The following SGSM2 variants were observed in gnomAD, a reference collection of about 807,000 sequenced individuals.
The protein encoded by SGSM2 is small G protein signaling modulator 2.
In SGSM2, 89 loss-of-function variants were observed where a neutral mutation model predicts 126.6. The observed-to-expected ratio is 0.70, with a 90% CI of 0.59 to 0.84. SGSM2 has a LOEUF of 0.84. SGSM2 is among the 40% of genes least tolerant of loss of function. The pLI, the probability that SGSM2 is intolerant of heterozygous loss-of-function variation, is 0.00. For missense variants in SGSM2, 1,404 were observed against 1,416.6 expected (o/e 0.99, Z 0.14); for synonymous variants, 614 against 574.3 (o/e 1.07, Z -0.99).
Position 2,362,081 on chromosome 17 carries a change from A to G in SGSM2, c.297-28A>G, listed in dbSNP as rs764221306. On this transcript the variant is annotated intron_variant, in intron 3 of 23. Transcript: ENST00000268989. The surrounding 1 kb of genome is among the most constrained non-coding windows in gnomAD (Gnocchi z 4.9). ...CTGGGGTTTACCCCTAGACCACTGC[A>G]CTCCTGGAGCCCTCCCCGCCTTTGC... 6.3e-7 allele frequency: 1 copy of G among 1,597,922 alleles called. No individual in the cohort carries two copies. Among genetic ancestry groups the G allele is most frequent in the Non-Finnish European group, 8.5e-7 (1 of 1,173,964 alleles).
In SGSM2 at chr17:2,363,121, G is replaced by A. The variant is rs761587758; in HGVS notation, c.659G>A (p.Arg220His). Residue 220 changes from arginine to histidine, a missense_variant, in exon 6 of 24, where the codon CGC (arginine) becomes CAC (histidine). Arg to His is a conservative substitution (Grantham distance 29). Coordinates refer to ENST00000268989, the MANE Select transcript of SGSM2 (RefSeq NM_014853.3). The surrounding 1 kb of genome is among the most constrained non-coding windows in gnomAD (Gnocchi z 4.2). ...PPTRQDSPAKRPALGIRKRHS... is the reference protein window; with the variant it reads ...PPTRQDSPAKHPALGIRKRHS... ...ACTCGCCAGGACTCCCCTGCAAAGC[G>A]CCCAGCCCTGGGGGTAGGTGCCCCC... 6.9e-6 allele frequency: 11 copies of A among 1,604,502 alleles called. No individual in the cohort carries two copies. The highest frequency in any genetic ancestry group is 1.7e-5 in the Admixed American group (1 of 58,620).
chr17:2,380,008 C>T lies in SGSM2; in HGVS notation c.*488C>T. 1 of 1,391,534 alleles carries T rather than the reference C, an allele frequency of 7.2e-7. No homozygotes were observed. Among genetic ancestry groups the T allele is most frequent in the Non-Finnish European group, 9.3e-7 (1 of 1,075,726 alleles). 86.2% of individuals were successfully genotyped at this position (1,391,534 alleles called of 1,614,324 possible). A position where few individuals can be genotyped will look rare whatever the true frequency, so the allele number is the denominator to read the frequency against. Reference sequence around the variant, plus strand: ...CCAGCCCCAGCTGGAGCAACCAAAACTGCTTCTGGTTTAGGCACACGTCAC... The same window carrying T: ...CCAGCCCCAGCTGGAGCAACCAAAATTGCTTCTGGTTTAGGCACACGTCAC... On this transcript the variant is annotated 3_prime_UTR_variant, in exon 24 of 24. Transcript: ENST00000268989.
rs1372432183 is a variant in SGSM2, at chr17:2,377,030, A to C, written c.2764A>C (p.Met922Leu). ...MSQNFPNGGA[M>L]DTHFANMRSL... is the part of the protein sequence containing the mutation. ...CCAGAACTTCCCCAACGGGGGTGCC[A>C]TGGACACCCACTTTGCCAACATGCG... Residue 922 changes from methionine (M) to leucine (L), a missense_variant, in exon 21 of 24, where the codon ATG becomes CTG. Transcript: ENST00000268989. 6.2e-7 allele frequency: 1 copy of C among 1,613,604 alleles called. No individual in the cohort carries two copies. The highest frequency in any genetic ancestry group is 2.2e-5 in the East Asian group (1 of 44,886).
intron 1 of SGSM2, among the ~76,000 whole-genome samples, chr17:2,342,877 T>G (rs2151476142): frequency 6.6e-6 from 1 of 152,128 alleles, no homozygotes; most frequent in African/African-American, 2.4e-5. Context: ...CTCGGGAGGC[T>G]GAGGCAGGAG....
intron 2 of SGSM2, among the ~76,000 whole-genome samples, chr17:2,344,953 C>T (rs532754900): frequency 6.6e-6 from 1 of 152,256 alleles, no homozygotes; most frequent in East Asian, 1.9e-4. Context: ...AAAGAATATT[C>T]GTCTCTCCTC....
chr17:2,343,553 A>G lies in SGSM2; in HGVS notation c.66A>G (p.Gln22=), dbSNP rs138672949. ...LLWNVKKEVK[Q]IMEEAVTRKF... ...TGTCCATGTGTCCGCAGGTGAAGCA[A>G]ATCATGGAGGAGGCTGTCACCAGGA... Residue 22 remains glutamine (Q), a synonymous_variant, in exon 2 of 24, where the codon CAA becomes CAG. Transcript: ENST00000268989. The G allele has an allele frequency of 9.2e-4, 1,480 of 1,614,186 alleles. No homozygotes were observed. Among genetic ancestry groups the G allele is most frequent in the Admixed American group, 2.1e-3 (128 of 60,030 alleles).
chr17:2,342,757 A>C (rs2064431713), intron 1 of SGSM2, among the ~76,000 whole-genome samples: 1 of 152,138 alleles, frequency 6.6e-6, no homozygotes, highest in African/African-American at 2.4e-5. Context: ...CGGGTGGATC[A>C]CCTGAGGTCA....
At chr17:2,349,334 T>C (rs4790329) in intron 2 of SGSM2, among the ~76,000 whole-genome samples, 111,992 of 151,634 alleles carry the variant, frequency 0.74, 42,456 homozygotes, top group African/African-American at 0.91. Flanking sequence ...GAGATTGTGC[T>C]GCTGCACTCC....
intron 2 of SGSM2, among the ~76,000 whole-genome samples, chr17:2,355,317 T>G (rs2065051467): frequency 1.8e-5 from 1 of 55,898 alleles, no homozygotes; most frequent in Non-Finnish European, 3.7e-5. Flanking sequence ...CTTAGAATGG[T>G]GGAATCGGGG....
intron 13 of SGSM2, chr17:2,371,985 G>T: frequency 3.5e-6 from 2 of 579,624 alleles, no homozygotes; most frequent in South Asian, 4.2e-5. Flanking sequence ...TGGGTGGTTG[G>T]GGGCCAGGCG....
chr17:2,377,790 G>A, intron 21 of SGSM2, 67 bp from the exon 22 acceptor site: 6 of 1,052,604 alleles, frequency 5.7e-6, no homozygotes, highest in Non-Finnish European at 8.9e-6. Flanking sequence ...TGAGCGGACG[G>A]TGAGTGGCGG....
chr17:2,345,218 T>C (rs1235837787), intron 2 of SGSM2, among the ~76,000 whole-genome samples: 1 of 152,062 alleles, frequency 6.6e-6, no homozygotes, highest in African/African-American at 2.4e-5. Context: ...ATCCCAGCAC[T>C]TTGGGAGGTG....
intron 2 of SGSM2, among the ~76,000 whole-genome samples, chr17:2,361,218 C>G (rs1456245290): frequency 6.6e-6 from 1 of 152,224 alleles, no homozygotes; most frequent in Non-Finnish European, 1.5e-5. Flanking sequence ...TATTTTAGCT[C>G]CTGCAGAGCC....
intron 19 of SGSM2, chr17:2,376,513 C>A (rs2066161094): frequency 3.0e-6 from 2 of 668,906 alleles, no homozygotes; most frequent in Admixed American, 2.8e-5. Context: ...GCCCCACATA[C>A]CAAGCGTGAC....
chr17:2,365,054 G>A lies in SGSM2; in HGVS notation c.1158G>A (p.Gly386=), dbSNP rs1020582295. The A allele has an allele frequency of 6.2e-6, 10 of 1,612,168 alleles. No homozygotes were observed. The highest frequency in any genetic ancestry group is 7.6e-6 in the Non-Finnish European group (9 of 1,179,364). Residue 386 remains glycine (G), a synonymous_variant, in exon 10 of 24, where the codon GGG becomes GGA. Coordinates refer to ENST00000268989, the MANE Select transcript of SGSM2 (RefSeq NM_014853.3). ...AGCCCCCGCTGTGGACCCAGCAAGGGAAGGTAACTCGGGTGGGAGGCTTTA... is the reference window on the plus strand; with the variant it reads ...AGCCCCCGCTGTGGACCCAGCAAGGAAAGGTAACTCGGGTGGGAGGCTTTA... ...QLEPPLWTQQ[G]KGKVFPKLRK...
chr17:2,361,509 G>C (rs940861018), intron 2 of SGSM2, 128 bp from the exon 3 acceptor site: 25 of 1,167,230 alleles, frequency 2.1e-5, no homozygotes, highest in African/African-American at 3.1e-5. Flanking sequence ...AGGAAGCCAG[G>C]GTATCTCCCT....
At chr17:2,358,460 G>A (rs1371238161) in intron 2 of SGSM2, among the ~76,000 whole-genome samples, 1 of 152,138 alleles carries the variant, frequency 6.6e-6, no homozygotes. Flanking sequence ...CTGTAATGCC[G>A]GCGCTTTGGA....
intron 2 of SGSM2, among the ~76,000 whole-genome samples, chr17:2,344,629 G>T (rs1220000902): frequency 3.9e-5 from 6 of 152,188 alleles, no homozygotes; most frequent in Non-Finnish European, 7.3e-5. Flanking sequence ...CTTACATTCT[G>T]TTGGGGAGAC....
chr17:2,379,886 G>C lies in SGSM2; in HGVS notation c.*366G>C, dbSNP rs1171986401. ...CACAGGATTAACAGGGGCTATAGCG[G>C]CCTGGGCCCTACTCAGCTGGGGTGG... On this transcript the variant is annotated 3_prime_UTR_variant, in exon 24 of 24. Transcript: ENST00000268989. 2 of 1,302,516 alleles carry C rather than the reference G, an allele frequency of 1.5e-6. No individual in the cohort carries two copies. Among genetic ancestry groups the C allele is most frequent in the East Asian group, 6.1e-5 (2 of 32,734 alleles). The allele number at this position is 1,302,516 out of a possible 1,614,324, so 80.7% of individuals were successfully genotyped here. A position where few individuals can be genotyped will look rare whatever the true frequency, so the allele number is the denominator to read the frequency against.
Sources: gnomAD v4.1 joint callset for allele counts (sites outside exome capture counted in the v4.1 genomes callset) on GRCh38, gnomAD v4.1.1 for gene constraint, Gnocchi (gnomAD v3.1) non-coding constraint, MANE v1.5 for transcripts, NCBI Gene and HGNC (gene_info 2026-07-23, HGNC 2026-07-21) for gene names.